MT1HL1: variants seen among roughly 807,000 people sequenced by gnomAD.
MT1HL1 encodes the protein metallothionein 1H-like protein 1.
Under a neutral mutation model 1.3 loss-of-function variants are expected in MT1HL1, and 2 were observed. The observed-to-expected ratio is 1.56, with a 90% CI of 0.64 to 4.92. The LOEUF (loss-of-function observed/expected upper bound fraction) is 4.92. Among genes scored for constraint, MT1HL1 ranks in the 30% most tolerant of loss-of-function variants. The pLI is 0.06. For synonymous variants in MT1HL1, 32 were observed against 31.0 expected (o/e 1.03, Z -0.10); for missense variants, 79 against 77.0 (o/e 1.03, Z -0.10).
Position 237,004,277 on chromosome 1 carries a change from G to A in MT1HL1, c.96C>T (p.Ser32=), listed in dbSNP as rs1314420080. The A allele has an allele frequency of 6.2e-7, 1 of 1,614,136 alleles. No homozygotes were observed. The highest frequency in any genetic ancestry group is 2.2e-5 in the East Asian group (1 of 44,852). The stretch of plus-strand genomic sequence containing the variant: ...AGCCCAGGGGGCAACAGGAGCAGCA[G>A]CTCTTCTTGCAGGAGGTGCATTTGC... ...KKCKCTSCKK[S]CCSCCPLGCA... Residue 32 remains serine (S), a synonymous_variant, in exon 1 of 1, where the codon AGC becomes AGT. Transcript: ENST00000464121.
rs748658866 is a variant in MT1HL1 at position 237,004,256 on chromosome 1, CA to C, written c.116del (p.Leu39ArgfsTer?). ...CKKSCCSCCP[L>X]GCAKCAQGCI... ...AGCCCTGGGCACACTTGGCACAGCC[CA>C]GGGGGCAACAGGAGCAGCAGCTCTT... is the stretch of plus-strand genomic sequence containing the variant. On this transcript the variant is annotated frameshift_variant, in exon 1 of 1. Transcript: ENST00000464121. LOFTEE classifies it high-confidence loss of function. 337 of 1,614,038 alleles carry C rather than the reference CA, an allele frequency of 2.1e-4. No homozygotes were observed. The highest frequency in any genetic ancestry group is 1.6e-3 in the Middle Eastern group (10 of 6,082).
Position 237,004,281 on chromosome 1 carries a change from T to G in MT1HL1, c.92A>C (p.Lys31Thr), listed in dbSNP as rs752879078. Residue 31 changes from lysine (K) to threonine (T), a missense_variant, in exon 1 of 1, where the codon AAG becomes ACG. Coordinates refer to ENST00000464121, the MANE Select transcript of MT1HL1 (RefSeq NM_001276687.2). ...CAGGGGGCAACAGGAGCAGCAGCTC[T>G]TCTTGCAGGAGGTGCATTTGCACTT... The part of the protein sequence containing the change: ...CKKCKCTSCK[K>T]SCCSCCPLGC... 1 of 1,614,120 alleles carries G rather than the reference T, an allele frequency of 6.2e-7. No individual in the cohort carries two copies. Among genetic ancestry groups the G allele is most frequent in the South Asian group, 1.1e-5 (1 of 91,086 alleles).
rs769538997 is a variant in MT1HL1 at position 237,004,328 on chromosome 1, G to A, written c.45C>T (p.Cys15=). ...ACTTTTTGCACTTGCAGGAGCCGGCGCAGGCGTAGGAGCCTCCAGCGGCGC... is the reference window on the plus strand; with the variant it reads ...ACTTTTTGCACTTGCAGGAGCCGGCACAGGCGTAGGAGCCTCCAGCGGCGC... The part of the protein sequence containing the change: ...CSCAAGGSYA[C]AGSCKCKKCK... The change falls in exon 1 of 1, where the codon TGC becomes TGT. Residue 15 remains cysteine (C), a synonymous_variant. Transcript: ENST00000464121. 4.8e-5 allele frequency: 77 copies of A among 1,613,900 alleles called. No individual in the cohort carries two copies. In the South Asian group the frequency reaches 7.9e-4, roughly 17 times the overall value.
Position 237,004,131 on chromosome 1 carries a change from A to T in MT1HL1, c.*56T>A. ...AATGGGTCGGGGTTGTAGAAAAAAA[A>T]ATCCCGGACTTTACGTGTCATTCTG... On this transcript the variant is annotated 3_prime_UTR_variant, in exon 1 of 1. Transcript: ENST00000464121. 1.3e-6 allele frequency: 2 copies of T among 1,566,364 alleles called. No homozygotes were observed. The highest frequency in any genetic ancestry group is 1.7e-6 in the Non-Finnish European group (2 of 1,157,628).
chr1:237,004,392 G>A lies in MT1HL1; in HGVS notation c.-20C>T, dbSNP rs768774037. ...GTCCATTGCAAGCCGAGGTGAGACC[G>A]GCGTTCCCAAGCGAGAAGAGAAGAG... is the stretch of plus-strand genomic sequence containing the variant. On this transcript the variant is annotated 5_prime_UTR_variant, in exon 1 of 1. Coordinates refer to ENST00000464121, the MANE Select transcript of MT1HL1 (RefSeq NM_001276687.2). The A allele has an allele frequency of 4.8e-5, 77 of 1,613,790 alleles. No homozygotes were observed. The highest frequency in any genetic ancestry group is 4.9e-5 in the Non-Finnish European group (58 of 1,180,046).
chr1:237,004,341 C>A lies in MT1HL1; in HGVS notation c.32G>T (p.Gly11Val), dbSNP rs760929865. ...GCAGGAGCCGGCGCAGGCGTAGGAGCCTCCAGCGGCGCAGGAGCAGTTGGG... is the reference window on the plus strand; with the variant it reads ...GCAGGAGCCGGCGCAGGCGTAGGAGACTCCAGCGGCGCAGGAGCAGTTGGG... MDPNCSCAAGGSYACAGSCKC... is the reference protein window; with the variant it reads MDPNCSCAAGVSYACAGSCKC... The change falls in exon 1 of 1, where the codon GGC (glycine) becomes GTC (valine). Residue 11 changes from glycine (G) to valine (V), a missense_variant. By Grantham distance (109) the Gly-to-Val change is moderately radical. Coordinates refer to ENST00000464121, the MANE Select transcript of MT1HL1 (RefSeq NM_001276687.2). 1.2e-6 allele frequency: 2 copies of A among 1,613,844 alleles called. No individual in the cohort carries two copies. The highest frequency in any genetic ancestry group is 1.3e-5 in the African/African-American group (1 of 74,928).
chr1:237,004,433 G>T lies in MT1HL1; in HGVS notation c.-61C>A. 1 of 1,613,128 alleles carries T rather than the reference G, an allele frequency of 6.2e-7. No individual in the cohort carries two copies. The highest frequency in any genetic ancestry group is 8.5e-7 in the Non-Finnish European group (1 of 1,179,886). ...AAGAGAAGAGGCAGTGGAACACGTG[G>T]AGGGCGTCGTGGATTGATTCAAACT... is the stretch of plus-strand genomic sequence containing the variant. On this transcript the variant is annotated 5_prime_UTR_variant, in exon 1 of 1. Coordinates refer to ENST00000464121, the MANE Select transcript of MT1HL1 (RefSeq NM_001276687.2).
chr1:237,004,359 C>T lies in MT1HL1; in HGVS notation c.14G>A (p.Cys5Tyr), dbSNP rs1260286814. The T allele has an allele frequency of 6.2e-7, 1 of 1,613,840 alleles. No individual in the cohort carries two copies. The highest frequency in any genetic ancestry group is 2.2e-5 in the East Asian group (1 of 44,866). The change falls in exon 1 of 1, where the codon TGC becomes TAC. Residue 5 changes from cysteine (C) to tyrosine (Y), a missense_variant. Transcript: ENST00000464121. MDPN[C>Y]SCAAGGSYAC... Reference sequence around the variant, plus strand: ...GTAGGAGCCTCCAGCGGCGCAGGAGCAGTTGGGGTCCATTGCAAGCCGAGG... The same window carrying T: ...GTAGGAGCCTCCAGCGGCGCAGGAGTAGTTGGGGTCCATTGCAAGCCGAGG...
Position 237,004,348 on chromosome 1 carries a change from C to T in MT1HL1, c.25G>A (p.Ala9Thr), listed in dbSNP as rs116200678. The change falls in exon 1 of 1, where the codon GCT becomes ACT. Residue 9 changes from alanine to threonine, a missense_variant. Transcript: ENST00000464121. ...CCGGCGCAGGCGTAGGAGCCTCCAG[C>T]GGCGCAGGAGCAGTTGGGGTCCATT... MDPNCSCA[A>T]GGSYACAGSC... 580 of 1,614,000 alleles carry T rather than the reference C, an allele frequency of 3.6e-4. 1 individual carries two copies. The African/African-American group carries it at 7.2e-3, about 20-fold the overall frequency.
chr1:237,004,433 G>C lies in MT1HL1; in HGVS notation c.-61C>G, dbSNP rs1366651061. ...AAGAGAAGAGGCAGTGGAACACGTG[G>C]AGGGCGTCGTGGATTGATTCAAACT... On this transcript the variant is annotated 5_prime_UTR_variant, in exon 1 of 1. Coordinates refer to ENST00000464121, the MANE Select transcript of MT1HL1 (RefSeq NM_001276687.2). 6 of 1,613,128 alleles carry C rather than the reference G, an allele frequency of 3.7e-6. No individual in the cohort carries two copies. In the Admixed American group the frequency reaches 1.0e-4, roughly 27 times the overall value.
rs1558113343 is a variant in MT1HL1, at chr1:237,004,135, C to A, written c.*52G>T. 6.3e-7 allele frequency: 1 copy of A among 1,575,098 alleles called. No individual in the cohort carries two copies. The highest frequency in any genetic ancestry group is 2.3e-5 in the East Asian group (1 of 44,212). ...GGTCGGGGTTGTAGAAAAAAAAATCCCGGACTTTACGTGTCATTCTGTTTT... is the reference window on the plus strand; with the variant it reads ...GGTCGGGGTTGTAGAAAAAAAAATCACGGACTTTACGTGTCATTCTGTTTT... On this transcript the variant is annotated 3_prime_UTR_variant, in exon 1 of 1. Transcript: ENST00000464121.
Position 237,004,272 on chromosome 1 carries a change from C to A in MT1HL1, c.101G>T (p.Cys34Phe), listed in dbSNP as rs767735491. The stretch of plus-strand genomic sequence containing the variant: ...GGCACAGCCCAGGGGGCAACAGGAG[C>A]AGCAGCTCTTCTTGCAGGAGGTGCA... ...CKCTSCKKSC[C>F]SCCPLGCAKC... The change falls in exon 1 of 1, where the codon TGC becomes TTC. Residue 34 changes from cysteine to phenylalanine, a missense_variant. Physicochemically the swap from Cys to Phe is radical, Grantham distance 205. Coordinates refer to ENST00000464121, the MANE Select transcript of MT1HL1 (RefSeq NM_001276687.2). 154 of 1,614,138 alleles carry A rather than the reference C, an allele frequency of 9.5e-5. No homozygotes were observed. The highest frequency in any genetic ancestry group is 1.2e-4 in the Non-Finnish European group (144 of 1,180,042).
chr1:237,004,323 C>CCGGCGCAGGCGTAGGAGCCTCCAG lies in MT1HL1; in HGVS notation c.26_49dup (p.Ala9_Ala16dup), dbSNP rs763210658. The stretch of plus-strand genomic sequence containing the variant: ...TTTGCACTTTTTGCACTTGCAGGAG[C>CCGGCGCAGGCGTAGGAGCCTCCAG]CGGCGCAGGCGTAGGAGCCTCCAGC... On this transcript the variant is annotated inframe_insertion, in exon 1 of 1. Coordinates refer to ENST00000464121, the MANE Select transcript of MT1HL1 (RefSeq NM_001276687.2). The CCGGCGCAGGCGTAGGAGCCTCCAG allele has an allele frequency of 1.9e-6, 3 of 1,614,014 alleles. No individual in the cohort carries two copies. In the Admixed American group the frequency reaches 5.0e-5, roughly 27 times the overall value.
At position 237,004,202 on chromosome 1, in the gene MT1HL1, G is replaced by T. The variant is rs1468247034; in HGVS notation, c.171C>A (p.Cys57Ter). ...AGTCCCGACATCAGGCACAGCAGCT[G>T]CACTTTTCCGAAGCCCCTTTGCGGA... ...GCIRKGASEKCSCCA is the reference protein window; with the variant it reads ...GCIRKGASEK The change falls in exon 1 of 1, where the codon TGC (cysteine) becomes TGA (stop). Residue 57 changes from cysteine to a stop codon, truncating the protein, a stop_gained. Transcript: ENST00000464121. LOFTEE classifies it high-confidence loss of function. 1.2e-6 allele frequency: 2 copies of T among 1,613,996 alleles called. No individual in the cohort carries two copies. Among genetic ancestry groups the T allele is most frequent in the African/African-American group, 2.7e-5 (2 of 74,932 alleles).
At position 237,004,166 on chromosome 1, in the gene MT1HL1, G is replaced by C. The variant is rs745667070; in HGVS notation, c.*21C>G. 2 of 1,611,128 alleles carry C rather than the reference G, an allele frequency of 1.2e-6. No individual in the cohort carries two copies. The highest frequency in any genetic ancestry group is 1.7e-6 in the Non-Finnish European group (2 of 1,179,098). ...TTTACGTGTCATTCTGTTTTCATCC[G>C]AGAGCAGGGCAGTCCCGACATCAGG... On this transcript the variant is annotated 3_prime_UTR_variant, in exon 1 of 1. Transcript: ENST00000464121.
rs541444661 is a variant in MT1HL1 at position 237,004,349 on chromosome 1, G to A, written c.24C>T (p.Ala8=). 6.2e-7 allele frequency: 1 copy of A among 1,613,370 alleles called. No homozygotes were observed. The highest frequency in any genetic ancestry group is 8.5e-7 in the Non-Finnish European group (1 of 1,180,044). The change falls in exon 1 of 1, where the codon GCC becomes GCT. Residue 8 remains alanine, a synonymous_variant. Coordinates refer to ENST00000464121, the MANE Select transcript of MT1HL1 (RefSeq NM_001276687.2). ...CGGCGCAGGCGTAGGAGCCTCCAGC[G>A]GCGCAGGAGCAGTTGGGGTCCATTG... is the stretch of plus-strand genomic sequence containing the variant. The part of the protein sequence containing the change: MDPNCSC[A]AGGSYACAGS...
chr1:237,004,123 G>GAA lies in MT1HL1; in HGVS notation c.*62_*63dup. The GAA allele has an allele frequency of 1.3e-6, 2 of 1,547,554 alleles. No individual in the cohort carries two copies. The highest frequency in any genetic ancestry group is 8.7e-7 in the Non-Finnish European group (1 of 1,147,248). On this transcript the variant is annotated 3_prime_UTR_variant, in exon 1 of 1. Coordinates refer to ENST00000464121, the MANE Select transcript of MT1HL1 (RefSeq NM_001276687.2). ...ATGTAGCAAATGGGTCGGGGTTGTAGAAAAAAAAATCCCGGACTTTACGTG... is the reference window on the plus strand; with the variant it reads ...ATGTAGCAAATGGGTCGGGGTTGTAGAAAAAAAAAAATCCCGGACTTTACGTG...
chr1:237,004,365 G>C lies in MT1HL1; in HGVS notation c.8C>G (p.Pro3Arg), dbSNP rs770176532. The C allele has an allele frequency of 2.5e-4, 408 of 1,613,720 alleles. No homozygotes were observed. Among genetic ancestry groups the C allele is most frequent in the Non-Finnish European group, 3.4e-4 (397 of 1,180,046 alleles). The stretch of plus-strand genomic sequence containing the variant: ...GCCTCCAGCGGCGCAGGAGCAGTTG[G>C]GGTCCATTGCAAGCCGAGGTGAGAC... MD[P>R]NCSCAAGGSY... Residue 3 changes from proline to arginine, a missense_variant, in exon 1 of 1, where the codon CCC becomes CGC. Physicochemically the swap from Pro to Arg is moderately radical, Grantham distance 103 (BLOSUM62 -2). Transcript: ENST00000464121.
In MT1HL1 at chr1:237,004,171, C is replaced by T. The variant is rs558061192; in HGVS notation, c.*16G>A. The stretch of plus-strand genomic sequence containing the variant: ...GTGTCATTCTGTTTTCATCCGAGAG[C>T]AGGGCAGTCCCGACATCAGGCACAG... On this transcript the variant is annotated 3_prime_UTR_variant, in exon 1 of 1. Coordinates refer to ENST00000464121, the MANE Select transcript of MT1HL1 (RefSeq NM_001276687.2). The T allele has an allele frequency of 7.4e-6, 12 of 1,613,078 alleles. No homozygotes were observed. The African/African-American group carries it at 1.2e-4, about 16-fold the overall frequency.
Sources: gnomAD v4.1 joint callset for allele counts on GRCh38, gnomAD v4.1.1 for gene constraint, MANE v1.5 for transcripts, NCBI Gene and HGNC (gene_info 2026-07-23, HGNC 2026-07-21) for gene names.